MFSD8: variants seen among roughly 807,000 people sequenced by gnomAD.
The protein encoded by MFSD8 is major facilitator superfamily domain-containing protein 8.
MFSD8 carries 55 observed loss-of-function variants against 66.4 expected under a neutral mutation model. The observed-to-expected ratio is 0.83, with a 90% CI of 0.67 to 1.04. The LOEUF is 1.04. MFSD8 is among the 50% of genes least tolerant of loss of function. The probability of loss-of-function intolerance (pLI) is 0.00; values close to 1 mark genes in which losing one functional copy is unlikely to be tolerated. For missense variants in MFSD8, 550 were observed against 627.6 expected, an observed-to-expected ratio of 0.88 and a Z score of 1.32; for synonymous variants, 202 against 212.8, an observed-to-expected ratio of 0.95 and a Z score of 0.44.
At chr4:127,933,283 C>A in intron 7 of MFSD8, 190 bp from the exon 8 acceptor site, 2 of 490,954 alleles carry the variant, frequency 4.1e-6, no homozygotes, top group Non-Finnish European at 7.4e-6. Flanking sequence ...CTCACTCTGT[C>A]ACCCAGACTA....
intron 9 of MFSD8, among the ~76,000 whole-genome samples, chr4:127,926,457 TTTCTC>T (rs1477988510): frequency 6.6e-6 from 1 of 150,918 alleles, no homozygotes; most frequent in Non-Finnish European, 1.5e-5. Context: ...TCCTTATTCT[TTTCTC>T]TTCTATTCTT....
chr4:127,953,543 GTTTTTTTTTTTTT>G lies in MFSD8; in HGVS notation c.155-3709_155-3697del, dbSNP rs952826538. On this transcript the variant is annotated intron_variant, in intron 2 of 11. Transcript: ENST00000641686. ...TTCTGATATTTGCACAAGGCATTCT[GTTTTTTTTTTTTT>G]TTTTTTTTTTTTTTTGAGACGGAAT... Among the ~76,000 whole-genome samples, 251 of 67,044 alleles carry G rather than the reference GTTTTTTTTTTTTT, an allele frequency of 3.7e-3. 1 individual carries two copies. Among genetic ancestry groups the G allele is most frequent in the Middle Eastern group, 8.2e-3 (1 of 122 alleles). The allele number at this position is 67,044 out of a possible 152,430, so 44.0% of individuals were successfully genotyped here. A position where few individuals can be genotyped will look rare whatever the true frequency, so the allele number is the denominator to read the frequency against.
chr4:127,954,621 G>GA (rs1476416528), intron 2 of MFSD8, among the ~76,000 whole-genome samples: 4 of 151,946 alleles, frequency 2.6e-5, no homozygotes, highest in African/African-American at 7.2e-5. Flanking sequence ...GTCTCAAAAA[G>GA]AAAAAAACAG....
At position 127,917,898 on chromosome 4, in the gene MFSD8, G is replaced by C. The variant is rs1203639171; in HGVS notation, c.*2732C>G. 6.6e-6 allele frequency: 1 copy of C among 152,138 alleles called. No homozygotes were observed. Among genetic ancestry groups the C allele is most frequent in the African/African-American group, 2.4e-5 (1 of 41,428 alleles). The allele number at this position is 152,138 out of a possible 1,614,324, so 9.4% of individuals were successfully genotyped here. ...AAATAAGTCTTCAATGGTCAAAAATGGTGCCCAGAATTTCTTCTCAAAATA... is the reference window on the plus strand; with the variant it reads ...AAATAAGTCTTCAATGGTCAAAAATCGTGCCCAGAATTTCTTCTCAAAATA... On this transcript the variant is annotated 3_prime_UTR_variant, in exon 12 of 12. Transcript: ENST00000641686.
rs541839775 is a variant in MFSD8 at position 127,923,117 on chromosome 4, A to C, written c.999-1154T>G. ...CTCATTTCCTAATTGAATACCCTTT[A>C]TTTCTTTCTCTTGCCTGATTGCCCT... On this transcript the variant is annotated intron_variant, in intron 9 of 11. Coordinates refer to ENST00000641686, the MANE Select transcript of MFSD8 (RefSeq NM_001371596.2). Among the ~76,000 whole-genome samples the C allele has an allele frequency of 9.9e-5, 15 of 152,272 alleles. No individual in the cohort carries two copies. In the South Asian group the frequency reaches 2.9e-3, roughly 29 times the overall value.
Position 127,950,154 on chromosome 4 carries a change from A to G in MFSD8, c.155-307T>C, listed in dbSNP as rs4431238. Reference sequence around the variant, plus strand: ...GCTTTGTTAAGTTTTTATAGCAGAAATGAATGGAGGAAAGGCTATTTTGTT... The same window carrying G: ...GCTTTGTTAAGTTTTTATAGCAGAAGTGAATGGAGGAAAGGCTATTTTGTT... On this transcript the variant is annotated intron_variant, in intron 2 of 11. Coordinates refer to ENST00000641686, the MANE Select transcript of MFSD8 (RefSeq NM_001371596.2). Among the ~76,000 whole-genome samples the G allele has an allele frequency of 0.03, 4,568 of 152,290 alleles. 290 individuals are homozygous for G. Among genetic ancestry groups the G allele is most frequent in the East Asian group, 0.26 (1,349 of 5,170 alleles).
Position 127,918,985 on chromosome 4 carries a change from A to G in MFSD8, c.*1645T>C, listed in dbSNP as rs887348597. On this transcript the variant is annotated 3_prime_UTR_variant, in exon 12 of 12. Transcript: ENST00000641686. ...AGAAAGCAGCTGCAGAATAGCAGGT[A>G]AGAGGGATCCCAGACTTGACCAAAT... is the stretch of plus-strand genomic sequence containing the variant. 1.3e-5 allele frequency: 2 copies of G among 152,218 alleles called. No individual in the cohort carries two copies. The highest frequency in any genetic ancestry group is 2.1e-4 in the South Asian group (1 of 4,826). 9.4% of individuals were successfully genotyped at this position (152,218 alleles called of 1,614,324 possible). A position where few individuals can be genotyped will look rare whatever the true frequency, so the allele number is the denominator to read the frequency against.
At chr4:127,924,451 C>G (rs990400682) in intron 9 of MFSD8, among the ~76,000 whole-genome samples, 2 of 152,072 alleles carry the variant, frequency 1.3e-5, no homozygotes, top group Admixed American at 6.6e-5. Context: ...CAATAACAGA[C>G]AAACAGAGAG....
upstream of MFSD8, chr4:127,965,204 T>C: frequency 6.3e-6 from 10 of 1,589,356 alleles, no homozygotes; most frequent in Non-Finnish European, 8.6e-6. Flanking sequence ...CCGGGTGGCG[T>C]GAAGCTGGCA....
At chr4:127,940,046 G>A in intron 5 of MFSD8, 49 bp from the exon 6 acceptor site, 1 of 1,522,560 alleles carries the variant, frequency 6.6e-7, no homozygotes, top group Non-Finnish European at 9.1e-7. Flanking sequence ...GAGAAGCATA[G>A]GATAAAAAAA....
chr4:127,924,897 T>C (rs1347866616), intron 9 of MFSD8, among the ~76,000 whole-genome samples: 2 of 152,022 alleles, frequency 1.3e-5, no homozygotes, highest in Non-Finnish European at 2.9e-5. Flanking sequence ...AACAGATATA[T>C]AGACCAATGG....
At chr4:127,921,368 C>G (rs1264190171) in intron 11 of MFSD8, 156 bp downstream of exon 11, 1 of 1,244,108 alleles carries the variant, frequency 8.0e-7, no homozygotes, top group Non-Finnish European at 1.1e-6. Context: ...CAAGAATGAA[C>G]TTTATAGAAG....
rs778902510 is a variant in MFSD8, at chr4:127,965,103, C to T, written c.31G>A (p.Glu11Lys). Residue 11 changes from glutamate (E) to lysine (K), a missense_variant, in exon 1 of 12, where the codon GAG becomes AAG. Coordinates refer to ENST00000641686, the MANE Select transcript of MFSD8 (RefSeq NM_001371596.2). Reference protein sequence around the residue: MAGLRNESEQEPLLGDTPGSR... With the variant: MAGLRNESEQKPLLGDTPGSR... ...CCAGGTGTGTCGCCTAAGAGCGGCT[C>T]CTGTTCACTTTCGTTCCGCAGGCCG... The T allele has an allele frequency of 6.2e-7, 1 of 1,614,008 alleles. No individual in the cohort carries two copies. The highest frequency in any genetic ancestry group is 8.5e-7 in the Non-Finnish European group (1 of 1,180,044).
At chr4:127,956,584 C>T (rs1337543388) in intron 2 of MFSD8, among the ~76,000 whole-genome samples, 2 of 151,416 alleles carry the variant, frequency 1.3e-5, no homozygotes, top group Non-Finnish European at 2.9e-5. Context: ...TTTGGGAGGC[C>T]GAGGTGGGCA....
intron 2 of MFSD8, among the ~76,000 whole-genome samples, chr4:127,951,561 C>CA (rs1286351637): frequency 6.6e-6 from 1 of 151,728 alleles, no homozygotes; most frequent in Admixed American, 6.6e-5. Context: ...TTTGTCACCT[C>CA]AAAAAAAACT....
intron 1 of MFSD8, among the ~76,000 whole-genome samples, chr4:127,962,074 G>A (rs993263125): frequency 1.3e-5 from 2 of 152,172 alleles, no homozygotes; most frequent in African/African-American, 4.8e-5. Context: ...AACTGTTGCT[G>A]CCAGATTTCA....
At chr4:127,932,378 C>T (rs1339451539) in intron 8 of MFSD8, 2 of 152,114 alleles carry the variant, frequency 1.3e-5, no homozygotes, top group African/African-American at 2.4e-5. Context: ...CTTATACATA[C>T]ATAGGAAAAA....
At chr4:127,940,554 ATATT>A (rs1414838439) in intron 5 of MFSD8, among the ~76,000 whole-genome samples, 6 of 147,764 alleles carry the variant, frequency 4.1e-5, no homozygotes, top group Non-Finnish European at 6.0e-5. Flanking sequence ...GTGTGTGTAT[ATATT>A]TATTATCATT....
chr4:127,939,767 C>G (rs1739824758), intron 6 of MFSD8, 86 bp downstream of exon 6: 1 of 1,457,960 alleles, frequency 6.9e-7, no homozygotes, highest in African/African-American at 1.4e-5. Context: ...ACGTACACTT[C>G]ATAAGGATAA....
Sources: gnomAD v4.1 joint callset for allele counts (sites outside exome capture counted in the v4.1 genomes callset) on GRCh38, gnomAD v4.1.1 for gene constraint, MANE v1.5 for transcripts, NCBI Gene and HGNC (gene_info 2026-07-23, HGNC 2026-07-21) for gene names.